Variants in DOCK1 observed in about 807,000 individuals in gnomAD.
The protein encoded by DOCK1 is dedicator of cytokinesis 1, also known as dedicator of cytokinesis protein 1.
In DOCK1, 138 loss-of-function variants were observed where a neutral mutation model predicts 262.7. The observed-to-expected ratio is 0.53, with a 90% CI of 0.46 to 0.61. DOCK1 has a LOEUF of 0.61. Among genes scored for constraint, DOCK1 ranks in the 20% least tolerant of loss-of-function variants. The probability of loss-of-function intolerance (pLI) is 0.00; values close to 1 mark genes in which losing one functional copy is unlikely to be tolerated. For synonymous variants in DOCK1, 866 were observed against 867.4 expected (o/e 1.00, Z 0.03); for missense variants, 1,908 against 2,370.7 (o/e 0.80, Z 4.05).
At chr10:126,986,534 A>T (rs867717575) in intron 4 of DOCK1, among the ~76,000 whole-genome samples, 1 of 152,230 alleles carries the variant, frequency 6.6e-6, no homozygotes, top group South Asian at 2.1e-4. Context: ...CTTACTTAGC[A>T]TAGTGCCTGA....
At chr10:126,961,739 T>C (rs2037238828) in intron 1 of DOCK1, among the ~76,000 whole-genome samples, 2 of 152,224 alleles carry the variant, frequency 1.3e-5, no homozygotes, top group East Asian at 1.9e-4. Context: ...GTTGAGTAAT[T>C]TACCTGTTGA....
intron 27 of DOCK1, among the ~76,000 whole-genome samples, chr10:127,177,582 A>G (rs1266953934): frequency 6.6e-6 from 1 of 151,950 alleles, no homozygotes; most frequent in Non-Finnish European, 1.5e-5. Context: ...GAGTGCCCAG[A>G]GAGGCAAGGT....
intron 27 of DOCK1, among the ~76,000 whole-genome samples, chr10:127,201,068 C>T (rs59693470): frequency 0.13 from 19,122 of 152,248 alleles, 1,304 homozygotes; most frequent in Middle Eastern, 0.17. Context: ...TAACTCATAT[C>T]GCCTTCGACC....
At chr10:126,905,820 C>T (rs1209301540) in intron 1 of DOCK1, among the ~76,000 whole-genome samples, 2 of 151,832 alleles carry the variant, frequency 1.3e-5, no homozygotes, top group African/African-American at 4.8e-5. Context: ...GCGGGCGCGT[C>T]CCTCCCTAGG....
At chr10:127,242,433 G>A (rs2059295251) in intron 27 of DOCK1, among the ~76,000 whole-genome samples, 2 of 152,120 alleles carry the variant, frequency 1.3e-5, no homozygotes, top group African/African-American at 4.8e-5. Context: ...AAAAGAGAAA[G>A]CCATTGTGCT....
intron 29 of DOCK1, among the ~76,000 whole-genome samples, chr10:127,261,257 A>G (rs1178813305): frequency 8.2e-5 from 6 of 73,400 alleles, no homozygotes; most frequent in African/African-American, 2.3e-4. Context: ...ATGTGTGTGC[A>G]TGTGGGTGTG....
rs184486995 is a variant in DOCK1, at chr10:127,018,502, C to T, written c.1202-208C>T. ...CAGCTGTCTGTGAGTCACCCTAGGG[C>T]AGGGCTGGCATCCCAGCTCGTTGGA... On this transcript the variant is annotated intron_variant, in intron 12 of 51. Transcript: ENST00000623213. 14 of 640,862 alleles carry T rather than the reference C, an allele frequency of 2.2e-5. No homozygotes were observed. The Admixed American group carries it at 3.1e-4, about 14-fold the overall frequency. The allele number at this position is 640,862 out of a possible 1,614,324, so 39.7% of individuals were successfully genotyped here.
chr10:127,336,817 G>A (rs2063221875), intron 29 of DOCK1, among the ~76,000 whole-genome samples: 1 of 152,180 alleles, frequency 6.6e-6, no homozygotes, highest in South Asian at 2.1e-4. Context: ...GGGATTACAG[G>A]CGTGAGCCAC....
chr10:126,958,808 G>A (rs2036959010), intron 1 of DOCK1, among the ~76,000 whole-genome samples: 1 of 152,156 alleles, frequency 6.6e-6, no homozygotes, highest in Non-Finnish European at 1.5e-5. Flanking sequence ...ACTGCTGAGT[G>A]TTTTTGTGTC....
intron 51 of DOCK1, among the ~76,000 whole-genome samples, chr10:127,450,317 A>G (rs957390843): frequency 2.0e-5 from 3 of 152,126 alleles, no homozygotes; most frequent in Admixed American, 6.5e-5. Flanking sequence ...TCTCACATTC[A>G]GCTAAATGCA....
At chr10:126,915,790 C>T (rs2032419121) in intron 1 of DOCK1, among the ~76,000 whole-genome samples, 1 of 152,130 alleles carries the variant, frequency 6.6e-6, no homozygotes, top group Non-Finnish European at 1.5e-5. Context: ...CTGGCTGTTC[C>T]TGTTCCCACC....
chr10:127,202,475 T>TG (rs2057515259), intron 27 of DOCK1, among the ~76,000 whole-genome samples: 1 of 152,142 alleles, frequency 6.6e-6, no homozygotes, highest in South Asian at 2.1e-4. Context: ...TTTAGGGAGC[T>TG]GCTGCAGGGA....
At chr10:126,935,393 G>T (rs1046598291) in intron 1 of DOCK1, among the ~76,000 whole-genome samples, 10 of 152,214 alleles carry the variant, frequency 6.6e-5, no homozygotes, top group African/African-American at 2.4e-4. Context: ...GCAGCCCCCA[G>T]AGGAGTTCTG....
At chr10:127,106,122 GA>G in intron 23 of DOCK1, 108 bp from the exon 24 acceptor site, 3 of 1,149,054 alleles carry the variant, frequency 2.6e-6, no homozygotes, top group Non-Finnish European at 3.7e-6. Flanking sequence ...ATCTGGAAGT[GA>G]TCTTTCTCTT....
At chr10:127,156,597 C>T (rs1427052276) in intron 27 of DOCK1, among the ~76,000 whole-genome samples, 8 of 82,018 alleles carry the variant, frequency 9.8e-5, no homozygotes, top group Non-Finnish European at 1.3e-4. Context: ...GACCAAGTTT[C>T]GCTCTTGTTG....
chr10:127,250,741 G>A (rs555987992), intron 28 of DOCK1, among the ~76,000 whole-genome samples: 326 of 136,794 alleles, frequency 2.4e-3, no homozygotes, highest in Non-Finnish European at 4.2e-3. Context: ...GCAGTGAGCC[G>A]AGATCGGGCC....
intron 10 of DOCK1, chr10:127,007,400 G>C (rs777425133): frequency 2.1e-4 from 32 of 152,144 alleles, no homozygotes; most frequent in Admixed American, 3.9e-4. Flanking sequence ...TATTTAGACT[G>C]ATCCTCTTAC....
chr10:127,228,685 C>T (rs957392656), intron 27 of DOCK1, among the ~76,000 whole-genome samples: 13 of 152,302 alleles, frequency 8.5e-5, no homozygotes, highest in Admixed American at 7.2e-4. Context: ...TCGCAGACCC[C>T]TTTTCTGTCA....
intron 23 of DOCK1, among the ~76,000 whole-genome samples, chr10:127,073,629 C>T (rs1391019293): frequency 1.3e-5 from 2 of 152,166 alleles, no homozygotes; most frequent in Admixed American, 6.5e-5. Flanking sequence ...TAATAGTCTT[C>T]GAGGACACAG....
Sources: allele counts gnomAD v4.1 joint callset (sites outside exome capture counted in the v4.1 genomes callset), GRCh38; gene constraint gnomAD v4.1.1; transcripts MANE v1.5; gene names NCBI Gene and HGNC (gene_info 2026-07-23, HGNC 2026-07-21).